SLC25A26: variants seen among roughly 807,000 people sequenced by gnomAD.
The protein encoded by SLC25A26 is mitochondrial S-adenosylmethionine carrier protein.
Under a neutral mutation model 37.8 loss-of-function variants are expected in SLC25A26, and 36 were observed. The observed-to-expected ratio is 0.95, with a 90% confidence interval of 0.73 to 1.26. The LOEUF (loss-of-function observed/expected upper bound fraction) is 1.26. Ranked by LOEUF, SLC25A26 falls within the 50% of genes most tolerant of loss-of-function variation. The pLI is 0.00. For synonymous variants in SLC25A26, 129 were observed against 122.5 expected, an observed-to-expected ratio of 1.05 and a Z score of -0.35; for missense variants, 390 against 331.1, an observed-to-expected ratio of 1.18 and a Z score of -1.38.
intron 3 of SLC25A26, among the ~76,000 whole-genome samples, chr3:66,243,655 C>T (rs115856898): frequency 0.011 from 1,648 of 152,248 alleles, 32 homozygotes; most frequent in African/African-American, 0.038. Flanking sequence ...ACTACTTTTC[C>T]GAGAATTTCC....
intron 5 of SLC25A26, among the ~76,000 whole-genome samples, chr3:66,301,695 A>G (rs1197735458): frequency 6.6e-6 from 1 of 152,236 alleles, no homozygotes; most frequent in African/African-American, 2.4e-5. Context: ...TCTACATGTT[A>G]CCATTCAGAA....
At chr3:66,320,522 T>C (rs1196940308) in intron 5 of SLC25A26, among the ~76,000 whole-genome samples, 10 of 152,244 alleles carry the variant, frequency 6.6e-5, no homozygotes, top group South Asian at 2.1e-4. Context: ...CTTTTGGCTA[T>C]TGTGAATAAG....
chr3:66,336,130 G>T (rs9848152), intron 5 of SLC25A26, among the ~76,000 whole-genome samples: 17,307 of 152,154 alleles, frequency 0.11, 1,468 homozygotes, highest in African/African-American at 0.24. Flanking sequence ...GTTTTAAAAT[G>T]TTATTTTTTA....
At chr3:66,281,996 ATT>A (rs71105977) in intron 5 of SLC25A26, among the ~76,000 whole-genome samples, 1,602 of 64,282 alleles carry the variant, frequency 0.025, 30 homozygotes, top group African/African-American at 0.11. Context: ...CTGATTTTGC[ATT>A]TTTTTTTTTT....
chr3:66,229,049 G>A (rs1553662102), intron 1 of SLC25A26, among the ~76,000 whole-genome samples: 1 of 152,102 alleles, frequency 6.6e-6, no homozygotes, highest in East Asian at 1.9e-4. Flanking sequence ...TTCAGTGTTT[G>A]GTAAAGTACT....
chr3:66,316,204 T>G (rs772887249), intron 5 of SLC25A26, among the ~76,000 whole-genome samples: 1 of 152,242 alleles, frequency 6.6e-6, no homozygotes, highest in African/African-American at 2.4e-5. Flanking sequence ...AGTTGCTTCA[T>G]CATGTCACTG....
intron 1 of SLC25A26, among the ~76,000 whole-genome samples, chr3:66,200,972 A>G (rs2071100862): frequency 1.3e-5 from 2 of 152,312 alleles, no homozygotes; most frequent in Middle Eastern, 3.4e-3. Flanking sequence ...CAAAGGAGTT[A>G]GTCTAGTACC....
Position 66,265,207 on chromosome 3 carries a change from C to T in SLC25A26, c.453+1828C>T, listed in dbSNP as rs145658790. On this transcript the variant is annotated intron_variant, in intron 5 of 9. Coordinates refer to ENST00000354883, the MANE Select transcript of SLC25A26 (RefSeq NM_001379210.1). ...CTGTAATCCCAGCTACTTGGGAGGC[C>T]GAGGTGGGAGGACTGCTTGAGCCTG... 3.0e-3 allele frequency among the ~76,000 whole-genome samples: 459 copies of T among 151,636 alleles called. 3 individuals are homozygous for T. The highest frequency in any genetic ancestry group is 0.017 in the East Asian group (86 of 5,142).
chr3:66,345,981 C>T (rs973818128), intron 5 of SLC25A26, among the ~76,000 whole-genome samples: 1 of 152,140 alleles, frequency 6.6e-6, no homozygotes, highest in Non-Finnish European at 1.5e-5. Context: ...TTGCTTGAGC[C>T]CTCAAGTTTG....
intron 3 of SLC25A26, among the ~76,000 whole-genome samples, chr3:66,246,708 G>C (rs1392288866): frequency 6.6e-6 from 1 of 152,080 alleles, no homozygotes; most frequent in Non-Finnish European, 1.5e-5. Context: ...TCCCTGAGCT[G>C]GTAAGGCCAA....
chr3:66,350,014 A>G (rs541915728), intron 6 of SLC25A26, among the ~76,000 whole-genome samples: 43 of 152,340 alleles, frequency 2.8e-4, no homozygotes, highest in African/African-American at 7.5e-4. Flanking sequence ...TGAACGTACA[A>G]TCACAGTGCT....
chr3:66,376,964 C>T (rs751285229), intron 9 of SLC25A26, among the ~76,000 whole-genome samples: 11 of 152,106 alleles, frequency 7.2e-5, no homozygotes, highest in Non-Finnish European at 1.6e-4. Flanking sequence ...GCTACATAAT[C>T]ATCCACTGTA....
chr3:66,311,932 C>T (rs568744791), intron 5 of SLC25A26, among the ~76,000 whole-genome samples: 1 of 152,150 alleles, frequency 6.6e-6, no homozygotes, highest in Admixed American at 6.5e-5. Flanking sequence ...CTGTTGAACC[C>T]TCCTGGGAGG....
intron 5 of SLC25A26, among the ~76,000 whole-genome samples, chr3:66,328,519 G>C (rs1258196007): frequency 6.6e-6 from 1 of 152,094 alleles, no homozygotes; most frequent in Non-Finnish European, 1.5e-5. Flanking sequence ...TTGAAGATAG[G>C]ACTCTAAAAG....
chr3:66,135,883 T>C (rs1559546002), intron 1 of SLC25A26, among the ~76,000 whole-genome samples: 4 of 152,254 alleles, frequency 2.6e-5, no homozygotes, highest in African/African-American at 9.6e-5. Context: ...AATATTCACA[T>C]TGGATATTCT....
chr3:66,350,905 G>T (rs1042609802), intron 6 of SLC25A26, among the ~76,000 whole-genome samples: 2 of 152,064 alleles, frequency 1.3e-5, no homozygotes, highest in Non-Finnish European at 2.9e-5. Context: ...CCTGCTTGAA[G>T]TCTTCTAATG....
At chr3:66,233,454 T>A (rs993406825) in intron 1 of SLC25A26, among the ~76,000 whole-genome samples, 35 of 136,122 alleles carry the variant, frequency 2.6e-4, no homozygotes, top group African/African-American at 9.6e-4. Flanking sequence ...ATGAAATGAA[T>A]CACTTGCCTG....
intron 1 of SLC25A26, among the ~76,000 whole-genome samples, chr3:66,197,774 G>A (rs2071064340): frequency 6.6e-6 from 1 of 152,062 alleles, no homozygotes; most frequent in Non-Finnish European, 1.5e-5. Context: ...GTTATTGTGA[G>A]ATGAGAGGGA....
rs2311298 is a variant in SLC25A26 at position 66,243,056 on chromosome 3, G to A, written c.191-147G>A. The A allele has an allele frequency of 0.1, 53,132 of 527,142 alleles. 5,004 individuals are homozygous for A. The highest frequency in any genetic ancestry group is 0.32 in the East Asian group (10,622 of 32,760). The allele number at this position is 527,142 out of a possible 1,614,324, so 32.7% of individuals were successfully genotyped here. A position where few individuals can be genotyped will look rare whatever the true frequency, so the allele number is the denominator to read the frequency against. On this transcript the variant is annotated intron_variant, in intron 2 of 9. Transcript: ENST00000354883. The stretch of plus-strand genomic sequence containing the variant: ...GGCGTCAGTAAACTCTGAAAGAGTG[G>A]GGGTAGGAAGAAAAGATATGTGCTT...
Sources: gnomAD v4.1 joint callset for allele counts (sites outside exome capture counted in the v4.1 genomes callset) on GRCh38, gnomAD v4.1.1 for gene constraint, MANE v1.5 for transcripts, NCBI Gene and HGNC (gene_info 2026-07-23, HGNC 2026-07-21) for gene names.